Variants in TAF3 observed in about 807,000 individuals in gnomAD.
TAF3 encodes transcription initiation factor TFIID subunit 3.
TAF3 carries 7 observed loss-of-function variants against 80.6 expected under a neutral mutation model. The ratio of observed to expected loss-of-function variants is 0.09; its 90% CI spans 0.05 to 0.16. The LOEUF (loss-of-function observed/expected upper bound fraction) is 0.16. Among genes scored for constraint, TAF3 ranks in the 10% least tolerant of loss-of-function variants. The probability of loss-of-function intolerance (pLI) is 1.00; values close to 1 mark genes in which losing one functional copy is unlikely to be tolerated. For missense variants in TAF3, 921 were observed against 1,140.2 expected, an observed-to-expected ratio of 0.81 and a Z score of 2.77; for synonymous variants, 444 against 446.1, an observed-to-expected ratio of 1.00 and a Z score of 0.06.
rs1346428907 is a variant in TAF3, at chr10:7,964,991, C to T, written c.1481C>T (p.Ser494Phe). The T allele has an allele frequency of 6.2e-7, 1 of 1,614,076 alleles. No individual in the cohort carries two copies. Among genetic ancestry groups the T allele is most frequent in the South Asian group, 1.1e-5 (1 of 91,078 alleles). Residue 494 changes from serine to phenylalanine, a missense_variant, in exon 3 of 7, where the codon TCT (serine) becomes TTT (phenylalanine). This residue lies in a region of TAF3 where 743 missense variants were observed against 821.0 expected (regional missense o/e 0.90). Transcript: ENST00000344293. This position sits in a 1 kb window ranked among gnomAD's most constrained non-coding sequence, Gnocchi z 4.1. ...NMPPNFPYIS[S>F]PSVSPPTPEP... Reference sequence around the variant, plus strand: ...CCCCCCAACTTTCCTTATATCTCTTCTCCGTCAGTGTCTCCTCCCACTCCC... The same window carrying T: ...CCCCCCAACTTTCCTTATATCTCTTTTCCGTCAGTGTCTCCTCCCACTCCC...
chr10:7,954,391 C>A (rs1466202234), intron 2 of TAF3, among the ~76,000 whole-genome samples: 2 of 107,220 alleles, frequency 1.9e-5, no homozygotes, highest in East Asian at 3.7e-4. Flanking sequence ...ACTCCATAGG[C>A]AAATGAGTGA....
At chr10:7,892,820 T>TTC (rs1471895605) in intron 2 of TAF3, among the ~76,000 whole-genome samples, 6 of 146,948 alleles carry the variant, frequency 4.1e-5, no homozygotes, top group African/African-American at 1.5e-4. Flanking sequence ...TTCTTTTTCT[T>TTC]TTTTTTTTTT....
At chr10:7,968,295 C>G (rs1429796835) in intron 3 of TAF3, among the ~76,000 whole-genome samples, 1 of 152,184 alleles carries the variant, frequency 6.6e-6, no homozygotes, top group African/African-American at 2.4e-5. Context: ...AAGAGCAACT[C>G]TCCCAGACAC....
intron 4 of TAF3, among the ~76,000 whole-genome samples, chr10:7,989,001 A>T (rs1831807398): frequency 6.6e-6 from 1 of 152,128 alleles, no homozygotes; most frequent in South Asian, 2.1e-4. Flanking sequence ...CATTTTATAG[A>T]TTCTTTCCTG....
At chr10:7,950,899 C>T (rs1251849103) in intron 2 of TAF3, among the ~76,000 whole-genome samples, 1 of 152,144 alleles carries the variant, frequency 6.6e-6, no homozygotes, top group Admixed American at 6.5e-5. Flanking sequence ...TCTAGTGGTC[C>T]CAGTGCCAGA....
chr10:7,928,397 TA>T (rs1327566808), intron 2 of TAF3, among the ~76,000 whole-genome samples: 3 of 152,226 alleles, frequency 2.0e-5, no homozygotes, highest in African/African-American at 7.2e-5. Flanking sequence ...GTGGGCCACA[TA>T]AATGTGTTTT....
In TAF3 at chr10:7,948,258, C is replaced by CTT. The variant is rs575870423; in HGVS notation, c.410-15649_410-15648dup. Among the ~76,000 whole-genome samples, 342 of 139,346 alleles carry CTT rather than the reference C, an allele frequency of 2.5e-3. 1 individual carries two copies. The highest frequency in any genetic ancestry group is 4.4e-3 in the East Asian group (21 of 4,812). The allele number at this position is 139,346 out of a possible 152,430, so 91.4% of individuals were successfully genotyped here. ...TTTTTTTCTTTTCTTTTCTTTCTTTCTTTTTTTTTTTTTTAGAGACAAGAT... is the reference window on the plus strand; with the variant it reads ...TTTTTTTCTTTTCTTTTCTTTCTTTCTTTTTTTTTTTTTTTTAGAGACAAGAT... On this transcript the variant is annotated intron_variant, in intron 2 of 6. Coordinates refer to ENST00000344293, the MANE Select transcript of TAF3 (RefSeq NM_031923.4).
intron 2 of TAF3, among the ~76,000 whole-genome samples, chr10:7,915,273 G>A (rs949636572): frequency 1.1e-4 from 16 of 151,844 alleles, no homozygotes; most frequent in Non-Finnish European, 1.5e-4. Flanking sequence ...AAGAACCTGC[G>A]CTCTTCCCTT....
At chr10:7,969,341 C>T (rs1831601146) in intron 3 of TAF3, among the ~76,000 whole-genome samples, 1 of 151,904 alleles carries the variant, frequency 6.6e-6, no homozygotes, top group Admixed American at 6.6e-5. Flanking sequence ...CAATTGCAGT[C>T]ACAGCCATAA....
intron 3 of TAF3, among the ~76,000 whole-genome samples, chr10:7,971,706 A>C (rs950910042): frequency 2.0e-5 from 3 of 152,122 alleles, no homozygotes; most frequent in Non-Finnish European, 4.4e-5. Flanking sequence ...TTCCCCTTTA[A>C]ATCTCTTGAG....
At chr10:7,825,619 T>C (rs932964046) in intron 2 of TAF3, among the ~76,000 whole-genome samples, 2 of 152,236 alleles carry the variant, frequency 1.3e-5, no homozygotes, top group African/African-American at 4.8e-5. Flanking sequence ...CTTACTTCAC[T>C]TAGTATGATG....
Position 7,964,409 on chromosome 10 carries a change from G to A in TAF3, c.899G>A (p.Arg300Gln), listed in dbSNP as rs764443035. 1.6e-5 allele frequency: 26 copies of A among 1,613,780 alleles called. No homozygotes were observed. Among genetic ancestry groups the A allele is most frequent in the South Asian group, 3.3e-5 (3 of 91,066 alleles). The part of the protein sequence containing the change: ...QSPAMVGSPI[R>Q]SPKTVSKEKK... Reference sequence around the variant, plus strand: ...CCAGCAATGGTCGGAAGTCCTATTCGATCACCAAAAACTGTATCCAAAGAA... The same window carrying A: ...CCAGCAATGGTCGGAAGTCCTATTCAATCACCAAAAACTGTATCCAAAGAA... The change falls in exon 3 of 7, where the codon CGA becomes CAA. Residue 300 changes from arginine to glutamine, a missense_variant. This residue lies in a region of TAF3 where 743 missense variants were observed against 821.0 expected (regional missense o/e 0.90). Coordinates refer to ENST00000344293, the MANE Select transcript of TAF3 (RefSeq NM_031923.4). The surrounding 1 kb of genome is among the most constrained non-coding windows in gnomAD (Gnocchi z 4.1).
At position 7,833,850 on chromosome 10, in the gene TAF3, G is replaced by A. The variant is rs541067366; in HGVS notation, c.409+9290G>A. ...AGAACTGTCTCCCTTCCTGGGGACC[G>A]AGGGCTTCCTGGGGAAGAGGATGAG... On this transcript the variant is annotated intron_variant, in intron 2 of 6. Transcript: ENST00000344293. 6.2e-6 allele frequency: 5 copies of A among 807,702 alleles called. No homozygotes were observed. In the African/African-American group the frequency reaches 7.2e-5, roughly 12 times the overall value. 50.0% of individuals were successfully genotyped at this position (807,702 alleles called of 1,614,324 possible).
At chr10:7,866,717 G>A (rs747448091) in intron 2 of TAF3, among the ~76,000 whole-genome samples, 1 of 152,258 alleles carries the variant, frequency 6.6e-6, no homozygotes, top group Non-Finnish European at 1.5e-5. Flanking sequence ...TATAGAAAAA[G>A]CCAAAGTTGC....
At chr10:7,969,466 G>A (rs913497304) in intron 3 of TAF3, among the ~76,000 whole-genome samples, 1 of 152,052 alleles carries the variant, frequency 6.6e-6, no homozygotes, top group African/African-American at 2.4e-5. Context: ...TAAAATTTTG[G>A]TTTCTGTGTG....
chr10:8,000,378 A>G (rs1564380901), intron 4 of TAF3, among the ~76,000 whole-genome samples: 2 of 152,006 alleles, frequency 1.3e-5, no homozygotes, highest in African/African-American at 4.8e-5. Context: ...TGGCCTCCCA[A>G]AGTGCTGGGA....
intron 4 of TAF3, 104 bp downstream of exon 4, chr10:7,977,427 C>G (rs1463614207): frequency 2.0e-6 from 2 of 1,009,042 alleles, no homozygotes; most frequent in Non-Finnish European, 2.9e-6. Flanking sequence ...AGGTATGAAC[C>G]TGTAGGGTCA....
chr10:7,908,949 A>G (rs966089676), intron 2 of TAF3, among the ~76,000 whole-genome samples: 2 of 152,234 alleles, frequency 1.3e-5, no homozygotes, highest in African/African-American at 4.8e-5. Context: ...ATTTCTAGCA[A>G]GTTCCCAGGT....
chr10:7,907,453 G>T (rs1182629141), intron 2 of TAF3, among the ~76,000 whole-genome samples: 1 of 152,192 alleles, frequency 6.6e-6, no homozygotes, highest in Non-Finnish European at 1.5e-5. Context: ...CAAGGATCCA[G>T]TGAGTTCATG....
Sources: allele counts gnomAD v4.1 joint callset (sites outside exome capture counted in the v4.1 genomes callset), GRCh38; gene constraint gnomAD v4.1.1; regional missense constraint gnomAD v4.1.1; non-coding constraint Gnocchi (gnomAD v3.1); transcripts MANE v1.5; gene names NCBI Gene and HGNC (gene_info 2026-07-23, HGNC 2026-07-21).